Variants in TMEM59 observed in about 807,000 individuals in gnomAD.
TMEM59 encodes transmembrane protein 59.
A neutral mutation model predicts 42.2 loss-of-function variants in TMEM59; 44 were observed. That is an observed-to-expected ratio of 1.04 (90% CI 0.82 to 1.34). The LOEUF (loss-of-function observed/expected upper bound fraction) is 1.34. Ranked by LOEUF, TMEM59 falls within the 40% of genes most tolerant of loss-of-function variation. The pLI is 0.00. For synonymous variants in TMEM59, 148 were observed against 145.8 expected (o/e 1.02, Z -0.11); for missense variants, 359 against 382.8 (o/e 0.94, Z 0.52).
rs183023114 is a variant in TMEM59 at position 54,031,997 on chromosome 1, G to A, written c.*153C>T. ...TTACTACAAAAACAATACCAATAAA[G>A]TTATAGCAAATACAGTCTTCACAGA... On this transcript the variant is annotated 3_prime_UTR_variant, in exon 8 of 8. Transcript: ENST00000234831. 2,572 of 606,086 alleles carry A rather than the reference G, an allele frequency of 4.2e-3. 11 individuals carry two copies. Among genetic ancestry groups the A allele is most frequent in the Middle Eastern group, 0.011 (22 of 2,040 alleles). The allele number at this position is 606,086 out of a possible 1,614,324, so 37.5% of individuals were successfully genotyped here.
rs1656723039 is a variant in TMEM59 at position 54,030,224 on chromosome 1, CTTTGT to C, written c.*1921_*1925del. On this transcript the variant is annotated 3_prime_UTR_variant, in exon 8 of 8. Transcript: ENST00000234831. ...CTGGCCCCAAGTGATCTAGATAATT[CTTTGT>C]TTTGTTTTTATAAGGGAGGGTCTTT... The C allele has an allele frequency of 6.6e-6, 1 of 150,968 alleles. No homozygotes were observed. The highest frequency in any genetic ancestry group is 6.6e-5 in the Admixed American group (1 of 15,158). 9.4% of individuals were successfully genotyped at this position (150,968 alleles called of 1,614,324 possible).
chr1:54,044,844 TTAG>T (rs775661603), intron 3 of TMEM59: 5 of 152,046 alleles, frequency 3.3e-5, no homozygotes, highest in Non-Finnish European at 5.9e-5. Flanking sequence ...TAGAAAAAAA[TTAG>T]TAGAAGCTCT....
At chr1:54,036,883 T>C in intron 6 of TMEM59, 165 bp from the exon 7 acceptor site, 2 of 413,718 alleles carry the variant, frequency 4.8e-6, no homozygotes, top group South Asian at 4.9e-5. Context: ...ATTATACTAA[T>C]AGCTATTACA....
intron 2 of TMEM59, 70 bp from the exon 3 acceptor site, chr1:54,045,856 C>T: frequency 7.2e-7 from 1 of 1,386,274 alleles, no homozygotes; most frequent in South Asian, 1.5e-5. Context: ...AAGGATTTGG[C>T]ATTTTATTAA....
rs1557682734 is a variant in TMEM59 at position 54,053,002 on chromosome 1, T to A, written c.187A>T (p.Lys63Ter). 2 of 1,612,342 alleles carry A rather than the reference T, an allele frequency of 1.2e-6. No homozygotes were observed. The highest frequency in any genetic ancestry group is 1.7e-6 in the Non-Finnish European group (2 of 1,179,088). The change falls in exon 1 of 8, where the codon AAG becomes TAG. Residue 63 changes from lysine to a stop codon, truncating the protein, a stop_gained and splice_region_variant. Coordinates refer to ENST00000234831, the MANE Select transcript of TMEM59 (RefSeq NM_004872.5). LOFTEE classifies it high-confidence loss of function. The part of the protein sequence containing the change: ...QLTYPLHTYP[K>*]EEELYACQRG... ...AGCCCGCTCCGGACGGGCCCTACCT[T>A]AGGGTAGGTGTGCAAGGGGTAGGTC...
intron 6 of TMEM59, among the ~76,000 whole-genome samples, chr1:54,037,348 C>T (rs1656987303): frequency 6.6e-6 from 1 of 152,070 alleles, no homozygotes; most frequent in African/African-American, 2.4e-5. Flanking sequence ...GACAGAAGGC[C>T]AGTTATGAGA....
chr1:54,041,008 ATTC>A (rs1657119816), intron 5 of TMEM59, among the ~76,000 whole-genome samples, 171 bp from the exon 6 acceptor site: 1 of 152,258 alleles, frequency 6.6e-6, no homozygotes, highest in Non-Finnish European at 1.5e-5. Context: ...CCAAATGAAT[ATTC>A]TATCACATTA....
intron 1 of TMEM59, among the ~76,000 whole-genome samples, chr1:54,049,269 C>T (rs1472037303): frequency 6.6e-6 from 1 of 152,232 alleles, no homozygotes; most frequent in Non-Finnish European, 1.5e-5. Context: ...TCAATCCTAA[C>T]TACTATTCAT....
rs755400755 is a variant in TMEM59, at chr1:54,047,276, A to T, written c.286T>A (p.Cys96Ser). ...TAGCATAGCATCTTACCAGATTCAC[A>T]TTCCAATTTAGTTCGATTTAAGTCA... The part of the protein sequence containing the change: ...GIDLNRTKLE[C>S]ESACTEAYSQ... The change falls in exon 2 of 8, where the codon TGT becomes AGT. Residue 96 changes from cysteine to serine, a missense_variant. Physicochemically the swap from Cys to Ser is moderately radical, Grantham distance 112. Transcript: ENST00000234831. 8 of 1,612,992 alleles carry T rather than the reference A, an allele frequency of 5.0e-6. No homozygotes were observed. Among genetic ancestry groups the T allele is most frequent in the Non-Finnish European group, 6.8e-6 (8 of 1,179,656 alleles).
intron 6 of TMEM59, 32 bp downstream of exon 6, chr1:54,040,724 C>G: frequency 6.6e-7 from 1 of 1,503,980 alleles, no homozygotes; most frequent in Non-Finnish European, 9.2e-7. Flanking sequence ...CAGATTTTAT[C>G]TGTTATACAC....
chr1:54,047,579 C>T lies in TMEM59; in HGVS notation c.190-207G>A, dbSNP rs954943923. The stretch of plus-strand genomic sequence containing the variant: ...TTAGTTCCTTATTTTAAAAGTGATA[C>T]GAAGAAAAAAGCCTAGTAGGTAAAA... On this transcript the variant is annotated intron_variant, in intron 1 of 7. Coordinates refer to ENST00000234831, the MANE Select transcript of TMEM59 (RefSeq NM_004872.5). 25 of 468,800 alleles carry T rather than the reference C, an allele frequency of 5.3e-5. 1 individual carries two copies. The highest frequency in any genetic ancestry group is 4.0e-4 in the South Asian group (13 of 32,786). 29.0% of individuals were successfully genotyped at this position (468,800 alleles called of 1,614,324 possible).
chr1:54,050,202 T>C (rs2100336049), intron 1 of TMEM59, among the ~76,000 whole-genome samples: 1 of 151,954 alleles, frequency 6.6e-6, no homozygotes, highest in East Asian at 1.9e-4. Flanking sequence ...CTTGGCTCAC[T>C]GCAACCTCCA....
At chr1:54,045,039 C>G (rs1320784885) in intron 3 of TMEM59, 2 of 152,010 alleles carry the variant, frequency 1.3e-5, no homozygotes, top group African/African-American at 4.8e-5. Flanking sequence ...GTGACTATTT[C>G]CTGTGCAAAA....
chr1:54,052,201 G>C lies in TMEM59; in HGVS notation c.189+799C>G, dbSNP rs17540497. 2.4e-3 allele frequency among the ~76,000 whole-genome samples: 369 copies of C among 152,264 alleles called. 13 individuals are homozygous for C. The South Asian group carries it at 0.045, about 19-fold the overall frequency. The stretch of plus-strand genomic sequence containing the variant: ...AGCAATTTAGAATGTTGAGTAAACA[G>C]AGTTCTTAGGCTGAAAAACCAACGT... On this transcript the variant is annotated intron_variant, in intron 1 of 7. Coordinates refer to ENST00000234831, the MANE Select transcript of TMEM59 (RefSeq NM_004872.5).
chr1:54,032,096 A>G lies in TMEM59; in HGVS notation c.*54T>C. ...CCAATGAAACCATTTTAAAAGCTCT[A>G]TGAGGAGTGGAATTTTAGATGTCTA... On this transcript the variant is annotated 3_prime_UTR_variant, in exon 8 of 8. Coordinates refer to ENST00000234831, the MANE Select transcript of TMEM59 (RefSeq NM_004872.5). 3 of 1,520,460 alleles carry G rather than the reference A, an allele frequency of 2.0e-6. No individual in the cohort carries two copies. Among genetic ancestry groups the G allele is most frequent in the South Asian group, 2.6e-5 (2 of 77,032 alleles). 94.2% of individuals were successfully genotyped at this position (1,520,460 alleles called of 1,614,324 possible). A position where few individuals can be genotyped will look rare whatever the true frequency, so the allele number is the denominator to read the frequency against.
In TMEM59 at chr1:54,032,265, T is replaced by G. The variant is rs1165083198; in HGVS notation, c.857A>C (p.Gln286Pro). The change falls in exon 8 of 8, where the codon CAA becomes CCA. Residue 286 changes from glutamine (Q) to proline (P), a missense_variant. Transcript: ENST00000234831. Reference protein sequence around the residue: ...IYGDLEFMNEQKLNRYPASSL... With the variant: ...IYGDLEFMNEPKLNRYPASSL... ...AGAAGCTGGATATCTGTTTAGCTTT[T>G]GTTCATTCATAAACTCCAAGTCACC... is the stretch of plus-strand genomic sequence containing the variant. 5 of 1,611,622 alleles carry G rather than the reference T, an allele frequency of 3.1e-6. No homozygotes were observed. In the Admixed American group the frequency reaches 6.7e-5, roughly 22 times the overall value.
chr1:54,043,475 C>T lies in TMEM59; in HGVS notation c.441G>A (p.Val147=), dbSNP rs1657215094. 1 of 1,562,236 alleles carries T rather than the reference C, an allele frequency of 6.4e-7. No individual in the cohort carries two copies. Among genetic ancestry groups the T allele is most frequent in the Non-Finnish European group, 8.7e-7 (1 of 1,152,796 alleles). ...KMHLLFPLTL[V]RSFWSDMMDS... is the part of the protein sequence containing the mutation. ...CCATCATGTCACTCCAGAATGACCT[C>T]ACCAGAGTTAGAGGAAAGAGTAGGT... Residue 147 remains valine (V), a synonymous_variant, in exon 4 of 8, where the codon GTG becomes GTA. Coordinates refer to ENST00000234831, the MANE Select transcript of TMEM59 (RefSeq NM_004872.5).
At chr1:54,042,050 TG>T (rs902618360) in intron 4 of TMEM59, among the ~76,000 whole-genome samples, 17 of 149,742 alleles carry the variant, frequency 1.1e-4, no homozygotes, top group African/African-American at 2.5e-4. Context: ...GACAACGTTT[TG>T]TTTTGTTTTT....
chr1:54,043,398 T>C lies in TMEM59; in HGVS notation c.518A>G (p.Asp173Gly). 1.3e-6 allele frequency: 2 copies of C among 1,555,636 alleles called. No individual in the cohort carries two copies. The highest frequency in any genetic ancestry group is 1.7e-6 in the Non-Finnish European group (2 of 1,153,576). The change falls in exon 4 of 8, where the codon GAT (aspartate) becomes GGT (glycine). Residue 173 changes from aspartate (D) to glycine (G), a missense_variant. Coordinates refer to ENST00000234831, the MANE Select transcript of TMEM59 (RefSeq NM_004872.5). Reference protein sequence around the residue: ...TSSWTFYLQADDGKIVIFQSK... With the variant: ...TSSWTFYLQAGDGKIVIFQSK... ...CTGGAATATAACTATTTTTCCGTCATCGGCTTGAAGATAAAAAGTCCATGA... is the reference window on the plus strand; with the variant it reads ...CTGGAATATAACTATTTTTCCGTCACCGGCTTGAAGATAAAAAGTCCATGA...
Sources: allele counts gnomAD v4.1 joint callset (sites outside exome capture counted in the v4.1 genomes callset), GRCh38; gene constraint gnomAD v4.1.1; transcripts MANE v1.5; gene names NCBI Gene and HGNC (gene_info 2026-07-23, HGNC 2026-07-21).